ITGA8: variants seen among roughly 807,000 people sequenced by gnomAD.
The protein encoded by ITGA8 is integrin subunit alpha 8, also known as integrin alpha-8.
A neutral mutation model predicts 142.3 loss-of-function variants in ITGA8; 91 were observed. That is an observed-to-expected ratio of 0.64 (90% CI 0.54 to 0.76). ITGA8 has a LOEUF of 0.76. Ranked by LOEUF, ITGA8 falls within the 30% of genes least tolerant of loss-of-function variation. The pLI, the probability that ITGA8 is intolerant of heterozygous loss-of-function variation, is 0.00. For missense variants in ITGA8, 1,406 were observed against 1,327.7 expected (o/e 1.06, Z -0.92); for synonymous variants, 505 against 485.2 (o/e 1.04, Z -0.54).
intron 25 of ITGA8, among the ~76,000 whole-genome samples, chr10:15,561,651 G>A (rs929501398): frequency 6.6e-6 from 1 of 152,076 alleles, no homozygotes; most frequent in Admixed American, 6.5e-5. Context: ...TTGAAGATAC[G>A]GGAAATGGAG....
intron 27 of ITGA8, among the ~76,000 whole-genome samples, chr10:15,531,866 A>AC (rs1443966280): frequency 8.6e-5 from 13 of 151,608 alleles, no homozygotes; most frequent in South Asian, 6.3e-4. Context: ...AATCGCTTGA[A>AC]CCTGGGGGGC....
At chr10:15,655,035 T>C (rs184081306) in intron 11 of ITGA8, among the ~76,000 whole-genome samples, 59 of 152,350 alleles carry the variant, frequency 3.9e-4, no homozygotes, top group African/African-American at 1.4e-3. Flanking sequence ...GGGAAAATTC[T>C]AGGAGTGAAG....
intron 2 of ITGA8, among the ~76,000 whole-genome samples, chr10:15,699,277 G>A (rs908668750): frequency 5.3e-5 from 8 of 152,134 alleles, no homozygotes; most frequent in African/African-American, 1.9e-4. Flanking sequence ...GAGTGAGACT[G>A]CATCTCAAAA....
rs1013573599 is a variant in ITGA8, at chr10:15,618,272, G to A, written c.1400-1713C>T. Among the ~76,000 whole-genome samples the A allele has an allele frequency of 2.6e-5, 4 of 152,030 alleles. No homozygotes were observed. The South Asian group carries it at 8.3e-4, about 32-fold the overall frequency. On this transcript the variant is annotated intron_variant, in intron 13 of 29. Coordinates refer to ENST00000378076, the MANE Select transcript of ITGA8 (RefSeq NM_003638.3). The stretch of plus-strand genomic sequence containing the variant: ...AAAACTGGACTTGGTAGAAATAAGG[G>A]CCACAGAAGAAGACTTACAACAGTT...
chr10:15,525,645 C>CAAAAAAAA (rs374326483), intron 28 of ITGA8, among the ~76,000 whole-genome samples: 12 of 63,636 alleles, frequency 1.9e-4, no homozygotes, highest in Admixed American at 1.0e-3. Context: ...AACTCCATCT[C>CAAAAAAAA]AAAAAAAAAA....
At position 15,587,841 on chromosome 10, in the gene ITGA8, A is replaced by G. The variant is rs575181603; in HGVS notation, c.2292-1177T>C. On this transcript the variant is annotated intron_variant, in intron 22 of 29. Transcript: ENST00000378076. Reference sequence around the variant, plus strand: ...GATATGAAACAACTTTTAAAAATGCATGGGTTTCAAAATGTGTGTGCTATA... The same window carrying G: ...GATATGAAACAACTTTTAAAAATGCGTGGGTTTCAAAATGTGTGTGCTATA... Among the ~76,000 whole-genome samples, 6 of 152,324 alleles carry G rather than the reference A, an allele frequency of 3.9e-5. No individual in the cohort carries two copies. In the East Asian group the frequency reaches 1.2e-3, roughly 29 times the overall value.
chr10:15,640,254 T>A (rs1159524924), intron 13 of ITGA8, among the ~76,000 whole-genome samples: 1 of 152,186 alleles, frequency 6.6e-6, no homozygotes, highest in African/African-American at 2.4e-5. Context: ...GGGTGTCAGG[T>A]CTTCCTCATA....
intron 2 of ITGA8, among the ~76,000 whole-genome samples, chr10:15,711,693 C>T (rs1039511065): frequency 3.6e-4 from 54 of 152,106 alleles, no homozygotes; most frequent in African/African-American, 1.3e-3. Context: ...TTGGAGTCAA[C>T]TCATCTCTTC....
intron 21 of ITGA8, 81 bp from the exon 22 acceptor site, chr10:15,592,385 A>T (rs1832942339): frequency 1.0e-6 from 1 of 982,744 alleles, no homozygotes; most frequent in Admixed American, 2.1e-5. Context: ...GCAAAACCCC[A>T]CCCTGGATCA....
intron 22 of ITGA8, among the ~76,000 whole-genome samples, chr10:15,587,242 G>A (rs1040441438): frequency 6.6e-6 from 1 of 152,088 alleles, no homozygotes; most frequent in African/African-American, 2.4e-5. Flanking sequence ...TTTTTTAAAT[G>A]GCTAAACCAA....
intron 27 of ITGA8, among the ~76,000 whole-genome samples, chr10:15,540,726 C>G (rs1833551850): frequency 6.6e-6 from 1 of 152,146 alleles, no homozygotes; most frequent in Non-Finnish European, 1.5e-5. Flanking sequence ...TTGGCTGTAC[C>G]TGTGCTTTTG....
chr10:15,530,326 T>C (rs902593039), intron 28 of ITGA8, among the ~76,000 whole-genome samples: 11 of 151,984 alleles, frequency 7.2e-5, no homozygotes, highest in African/African-American at 2.7e-4. Context: ...GGCGGGCGGA[T>C]CACAAGTTCA....
intron 14 of ITGA8, among the ~76,000 whole-genome samples, chr10:15,615,009 C>A (rs1588676581): frequency 6.6e-6 from 1 of 152,290 alleles, no homozygotes; most frequent in East Asian, 1.9e-4. Flanking sequence ...TAAGAAAGTT[C>A]TGGCCTGGGC....
At chr10:15,650,859 ATCACT>A (rs1213763051) in intron 11 of ITGA8, among the ~76,000 whole-genome samples, 2 of 152,208 alleles carry the variant, frequency 1.3e-5, no homozygotes, top group Admixed American at 6.5e-5. Flanking sequence ...AAGAGCTAAC[ATCACT>A]TCAATTACAT....
chr10:15,590,508 T>C (rs1051079267), intron 22 of ITGA8, among the ~76,000 whole-genome samples: 5 of 152,236 alleles, frequency 3.3e-5, no homozygotes, highest in Non-Finnish European at 7.3e-5. Context: ...GATGTATCTT[T>C]CCACAGGTGA....
chr10:15,545,847 C>T (rs927508560), intron 27 of ITGA8, among the ~76,000 whole-genome samples: 1 of 152,052 alleles, frequency 6.6e-6, no homozygotes, highest in African/African-American at 2.4e-5. Flanking sequence ...TACTTGTGTT[C>T]TTTAAAAAAC....
intron 6 of ITGA8, among the ~76,000 whole-genome samples, chr10:15,674,938 C>CAA (rs35978679): frequency 0.012 from 1,856 of 148,764 alleles, 22 homozygotes; most frequent in African/African-American, 0.029. Flanking sequence ...AGACTCGTCT[C>CAA]AAAAAAAAAA....
rs1316637606 is a variant in ITGA8, at chr10:15,659,049, T to G, written c.898A>C (p.Ile300Leu). Residue 300 changes from isoleucine to leucine, a missense_variant, in exon 10 of 30, where the codon ATC becomes CTC. Physicochemically the swap from Ile to Leu is conservative, Grantham distance 5. Coordinates refer to ENST00000378076, the MANE Select transcript of ITGA8 (RefSeq NM_003638.3). ...AACGTCATATCCGTAGAGTTAATGA[T>G]GGAAACCTGAAATCACAGAAATTAA... ...RGAQNFGYVS[I>L]INSTDMTFIQ... is the part of the protein sequence containing the mutation. 3 of 1,605,892 alleles carry G rather than the reference T, an allele frequency of 1.9e-6. No homozygotes were observed. Among genetic ancestry groups the G allele is most frequent in the Non-Finnish European group, 2.6e-6 (3 of 1,175,044 alleles).
intron 20 of ITGA8, among the ~76,000 whole-genome samples, chr10:15,599,269 A>G (rs1196860561): frequency 6.6e-6 from 1 of 151,722 alleles, no homozygotes; most frequent in Non-Finnish European, 1.5e-5. Flanking sequence ...CTTTTTATGG[A>G]CATTTCTAGA....
Sources: allele counts gnomAD v4.1 joint callset (sites outside exome capture counted in the v4.1 genomes callset), GRCh38; gene constraint gnomAD v4.1.1; transcripts MANE v1.5; gene names NCBI Gene and HGNC (gene_info 2026-07-23, HGNC 2026-07-21).